NRG3: variants seen among roughly 807,000 people sequenced by gnomAD.
NRG3 encodes the protein neuregulin 3, also known as pro-neuregulin-3, membrane-bound isoform.
In NRG3, 31 loss-of-function variants were observed where a neutral mutation model predicts 66.9. The observed-to-expected ratio is 0.46, with a 90% CI of 0.35 to 0.63. NRG3 has a LOEUF of 0.63. Among genes scored for constraint, NRG3 ranks in the 20% least tolerant of loss-of-function variants. NRG3 has a pLI of 0.00. For synonymous variants in NRG3, 393 were observed against 359.4 expected, an observed-to-expected ratio of 1.09 and a Z score of -1.06; for missense variants, 910 against 878.9, an observed-to-expected ratio of 1.04 and a Z score of -0.45.
intron 2 of NRG3, among the ~76,000 whole-genome samples, chr10:82,513,722 G>A (rs1171496408): frequency 6.6e-6 from 1 of 152,202 alleles, no homozygotes; most frequent in African/African-American, 2.4e-5. Context: ...GGAGGTTGCA[G>A]TGGGCCGAAA....
intron 3 of NRG3, among the ~76,000 whole-genome samples, chr10:82,752,183 T>C (rs757443362): frequency 3.3e-5 from 5 of 152,202 alleles, no homozygotes; most frequent in African/African-American, 1.2e-4. Flanking sequence ...ACAGTAACAG[T>C]ATATTTTATT....
At chr10:82,733,743 C>A (rs1371896439) in intron 2 of NRG3, among the ~76,000 whole-genome samples, 1 of 152,118 alleles carries the variant, frequency 6.6e-6, no homozygotes, top group Non-Finnish European at 1.5e-5. Context: ...GTTTTCCTAA[C>A]AAGAGGAAGA....
At chr10:82,984,832 G>A (rs1853289478) in intron 8 of NRG3, 2 of 1,534,988 alleles carry the variant, frequency 1.3e-6, no homozygotes, top group Non-Finnish European at 1.8e-6. Context: ...GCTGTGGTGT[G>A]TTGAAAGACC....
intron 1 of NRG3, among the ~76,000 whole-genome samples, chr10:81,976,169 G>A (rs1459833663): frequency 2.0e-5 from 3 of 152,122 alleles, no homozygotes; most frequent in Admixed American, 6.5e-5. Context: ...CCCACTTGAG[G>A]GGTGAGGTAG....
intron 4 of NRG3, among the ~76,000 whole-genome samples, chr10:82,934,115 A>T (rs1847846564): frequency 6.6e-6 from 1 of 152,246 alleles, no homozygotes; most frequent in African/African-American, 2.4e-5. Flanking sequence ...AGAATCAGAA[A>T]TACAAAATAA....
intron 4 of NRG3, among the ~76,000 whole-genome samples, chr10:82,924,360 T>C (rs1281184824): frequency 6.6e-6 from 1 of 152,074 alleles, no homozygotes; most frequent in African/African-American, 2.4e-5. Flanking sequence ...TGTGCCTCTC[T>C]ACAAACCCCA....
chr10:82,072,427 T>C (rs572460595), intron 1 of NRG3, among the ~76,000 whole-genome samples: 1 of 152,318 alleles, frequency 6.6e-6, no homozygotes, highest in South Asian at 2.1e-4. Flanking sequence ...ATATTTACTG[T>C]TGAATAATGA....
chr10:81,977,758 G>A (rs895151365), intron 1 of NRG3, among the ~76,000 whole-genome samples: 5 of 152,120 alleles, frequency 3.3e-5, no homozygotes, highest in African/African-American at 1.2e-4. Context: ...TACTATTTGA[G>A]TCTTAGTTTT....
intron 6 of NRG3, among the ~76,000 whole-genome samples, chr10:82,965,778 T>C (rs1380968328): frequency 6.6e-6 from 1 of 151,960 alleles, no homozygotes; most frequent in Non-Finnish European, 1.5e-5. Flanking sequence ...GCATAAAATG[T>C]CCAAAAGCTA....
intron 2 of NRG3, among the ~76,000 whole-genome samples, chr10:82,548,522 C>G (rs917186814): frequency 9.2e-6 from 1 of 109,230 alleles, no homozygotes; most frequent in African/African-American, 4.7e-5. Context: ...CATTCTGTCT[C>G]TCACACACAC....
chr10:82,494,416 G>A (rs777513095), intron 2 of NRG3, among the ~76,000 whole-genome samples: 13 of 152,180 alleles, frequency 8.5e-5, no homozygotes, highest in Admixed American at 2.6e-4. Context: ...ATAATAGGAC[G>A]TGTGATGATA....
At chr10:82,936,751 A>G (rs1848108502) in intron 4 of NRG3, among the ~76,000 whole-genome samples, 1 of 152,184 alleles carries the variant, frequency 6.6e-6, no homozygotes, top group African/African-American at 2.4e-5. Flanking sequence ...AAAAATAAGT[A>G]AATATATTTA....
intron 2 of NRG3, among the ~76,000 whole-genome samples, chr10:82,552,935 G>T (rs993462888): frequency 6.6e-6 from 1 of 151,922 alleles, no homozygotes; most frequent in African/African-American, 2.4e-5. Context: ...TGAAGTGATT[G>T]GAGATAGTTG....
intron 1 of NRG3, among the ~76,000 whole-genome samples, chr10:82,284,247 A>T (rs376905354): frequency 6.6e-6 from 1 of 152,218 alleles, no homozygotes; most frequent in African/African-American, 2.4e-5. Context: ...TGCTACAGAG[A>T]TGGAGAGTTT....
intron 1 of NRG3, among the ~76,000 whole-genome samples, chr10:82,203,721 C>A (rs1332150432): frequency 2.0e-5 from 3 of 152,100 alleles, no homozygotes; most frequent in Non-Finnish European, 4.4e-5. Flanking sequence ...TTTAAGCATA[C>A]CTTCATGGGA....
At chr10:82,822,596 T>C (rs1320621269) in intron 3 of NRG3, among the ~76,000 whole-genome samples, 2 of 152,046 alleles carry the variant, frequency 1.3e-5, no homozygotes, top group Non-Finnish European at 2.9e-5. Flanking sequence ...GACCCCAGAT[T>C]ATTGAGACCT....
chr10:82,931,172 T>A (rs1204816585), intron 4 of NRG3, among the ~76,000 whole-genome samples: 2 of 152,196 alleles, frequency 1.3e-5, no homozygotes, highest in Non-Finnish European at 2.9e-5. Context: ...TACTAGAAAT[T>A]TGGGAGCCAT....
intron 2 of NRG3, among the ~76,000 whole-genome samples, chr10:82,469,906 G>A (rs1163343299): frequency 6.6e-6 from 1 of 151,968 alleles, no homozygotes; most frequent in African/African-American, 2.4e-5. Flanking sequence ...TTTTTCCCTT[G>A]CATCTTTGAA....
intron 2 of NRG3, among the ~76,000 whole-genome samples, chr10:82,685,979 A>C (rs59722689): frequency 0.026 from 3,946 of 152,218 alleles, 194 homozygotes; most frequent in African/African-American, 0.089. Context: ...ATGCCTTCTC[A>C]TGGAATGCTT....
Sources: allele counts gnomAD v4.1 joint callset (sites outside exome capture counted in the v4.1 genomes callset), GRCh38; gene constraint gnomAD v4.1.1; transcripts MANE v1.5; gene names NCBI Gene and HGNC (gene_info 2026-07-23, HGNC 2026-07-21).